The following ARB2A variants were observed in gnomAD, a reference collection of about 807,000 sequenced individuals.
The protein encoded by ARB2A is cotranscriptional regulator ARB2A.
the ARB2A span, among the ~76,000 whole-genome samples, chr5:93,763,971 G>A: frequency 6.6e-6 from 1 of 152,154 alleles, no homozygotes; most frequent in Non-Finnish European, 1.5e-5. Flanking sequence ...CAAAATGAAG[G>A]CAGAAATAAA....
the ARB2A span, among the ~76,000 whole-genome samples, chr5:94,094,103 A>T: frequency 6.6e-6 from 1 of 152,190 alleles, no homozygotes; most frequent in Non-Finnish European, 1.5e-5. Flanking sequence ...TATTTGGTAG[A>T]GCAACATCCC....
the ARB2A span, among the ~76,000 whole-genome samples, chr5:93,851,048 G>A: frequency 6.6e-6 from 1 of 151,704 alleles, no homozygotes; most frequent in Non-Finnish European, 1.5e-5. Context: ...TAACACTAAG[G>A]GCAAAGTGGA....
chr5:93,982,083 C>T, the ARB2A span, among the ~76,000 whole-genome samples: 83 of 152,202 alleles, frequency 5.5e-4, no homozygotes, highest in Non-Finnish European at 8.7e-4. Context: ...ATAGAAGAGT[C>T]CTGGCCATCT....
chr5:94,047,428 G>T, the ARB2A span, among the ~76,000 whole-genome samples: 2 of 151,134 alleles, frequency 1.3e-5, no homozygotes, highest in Non-Finnish European at 3.0e-5. Context: ...GGAAGTGGAG[G>T]TTGCAGTGAG....
chr5:94,055,783 T>C, the ARB2A span: 13 of 985,440 alleles, frequency 1.3e-5, no homozygotes, highest in African/African-American at 2.1e-4. Context: ...AAAATCAGAT[T>C]CCTTGACTTC....
At chr5:93,767,497 C>G in the ARB2A span, among the ~76,000 whole-genome samples, 1 of 151,994 alleles carries the variant, frequency 6.6e-6, no homozygotes, top group Non-Finnish European at 1.5e-5. Context: ...GTAGAACTAC[C>G]ATTTGATCCA....
At chr5:93,744,388 T>C in the ARB2A span, among the ~76,000 whole-genome samples, 2 of 123,652 alleles carry the variant, frequency 1.6e-5, no homozygotes, top group Non-Finnish European at 3.1e-5. Flanking sequence ...TGTGCCGAGA[T>C]CGCGCCACTG....
chr5:93,863,398 G>A, the ARB2A span: 3 of 151,750 alleles, frequency 2.0e-5, no homozygotes, highest in African/African-American at 4.8e-5. Flanking sequence ...TGGGGCTACC[G>A]GCACATTACC....
the ARB2A span, among the ~76,000 whole-genome samples, chr5:93,678,787 T>G: frequency 6.6e-6 from 1 of 152,058 alleles, no homozygotes; most frequent in Non-Finnish European, 1.5e-5. Flanking sequence ...CTGAGGTTTT[T>G]TCTAAACAAA....
At chr5:93,845,673 C>G in the ARB2A span, among the ~76,000 whole-genome samples, 1 of 152,194 alleles carries the variant, frequency 6.6e-6, no homozygotes. Flanking sequence ...CTCACCAAGA[C>G]TGATCTGGCT....
At chr5:93,952,339 G>T in the ARB2A span, among the ~76,000 whole-genome samples, 2 of 152,172 alleles carry the variant, frequency 1.3e-5, no homozygotes, top group African/African-American at 4.8e-5. Context: ...ATTTCTTGTA[G>T]AACACGTCTG....
chr5:94,103,183 T>C, the ARB2A span, among the ~76,000 whole-genome samples: 10 of 152,220 alleles, frequency 6.6e-5, no homozygotes, highest in South Asian at 1.0e-3. Flanking sequence ...TGACTCTGAA[T>C]GTAAATGGAC....
the ARB2A span, among the ~76,000 whole-genome samples, chr5:94,096,690 A>G: frequency 6.6e-6 from 1 of 152,222 alleles, no homozygotes; most frequent in Non-Finnish European, 1.5e-5. Context: ...CACGATGGCC[A>G]GCTAAAAGGA....
chr5:93,880,528 T>C, the ARB2A span, among the ~76,000 whole-genome samples: 4 of 151,916 alleles, frequency 2.6e-5, no homozygotes, highest in Admixed American at 2.6e-4. Context: ...TAAAACGTTA[T>C]TTTCTCTGTG....
At chr5:93,750,773 C>T in the ARB2A span, among the ~76,000 whole-genome samples, 1 of 152,092 alleles carries the variant, frequency 6.6e-6, no homozygotes, top group Admixed American at 6.6e-5. Flanking sequence ...GCTATCCCCA[C>T]CTTTGCCTCC....
At chr5:93,631,283 T>TA in the ARB2A span, among the ~76,000 whole-genome samples, 1 of 152,116 alleles carries the variant, frequency 6.6e-6, no homozygotes, top group Non-Finnish European at 1.5e-5. Flanking sequence ...TCCTAGACAA[T>TA]AAAAAATGTA....
the ARB2A span, among the ~76,000 whole-genome samples, chr5:93,948,120 G>A: frequency 6.6e-6 from 1 of 152,146 alleles, no homozygotes; most frequent in East Asian, 1.9e-4. Context: ...CTAGTTTACA[G>A]TCCCAACAAC....
At chr5:93,874,999 G>A in the ARB2A span, among the ~76,000 whole-genome samples, 1 of 152,146 alleles carries the variant, frequency 6.6e-6, no homozygotes, top group Non-Finnish European at 1.5e-5. Context: ...TTATTACTTA[G>A]AGATGAAGTC....
At chr5:93,967,928 C>T in the ARB2A span, among the ~76,000 whole-genome samples, 1 of 151,900 alleles carries the variant, frequency 6.6e-6, no homozygotes, top group African/African-American at 2.4e-5. Flanking sequence ...CAGGGGATTA[C>T]AGCTAAAATA....
Sources: allele counts gnomAD v4.1 joint callset (sites outside exome capture counted in the v4.1 genomes callset), GRCh38; gene constraint gnomAD v4.1.1; transcripts MANE v1.5; gene names NCBI Gene and HGNC (gene_info 2026-07-23, HGNC 2026-07-21).